The following SCN10A variants were observed in gnomAD, a reference collection of about 807,000 sequenced individuals.
SCN10A encodes sodium voltage-gated channel alpha subunit 10, also known as sodium channel protein type 10 subunit alpha.
SCN10A carries 162 observed loss-of-function variants against 170.7 expected under a neutral mutation model. The observed-to-expected ratio is 0.95, with a 90% CI of 0.84 to 1.08. The LOEUF is 1.08. SCN10A is among the 50% of genes least tolerant of loss of function. SCN10A has a pLI of 0.00. For synonymous variants in SCN10A, 985 were observed against 904.6 expected (o/e 1.09, Z -1.59); for missense variants, 2,527 against 2,436.9 (o/e 1.04, Z -0.78).
chr3:38,709,213 C>T (rs1210860231), intron 25 of SCN10A, among the ~76,000 whole-genome samples: 1 of 152,160 alleles, frequency 6.6e-6, no homozygotes, highest in East Asian at 1.9e-4. Context: ...ACTTGGAACA[C>T]ATCTAACACA....
intron 21 of SCN10A, among the ~76,000 whole-genome samples, chr3:38,715,973 A>G (rs1386510633): frequency 1.3e-5 from 2 of 152,196 alleles, no homozygotes; most frequent in African/African-American, 4.8e-5. Flanking sequence ...AGAAAGAAGT[A>G]CAGCTGGATG....
At chr3:38,772,373 G>A (rs1206383050) in intron 4 of SCN10A, among the ~76,000 whole-genome samples, 4 of 151,616 alleles carry the variant, frequency 2.6e-5, no homozygotes, top group Non-Finnish European at 4.4e-5. Context: ...ACAATAAAGA[G>A]GGCAGAAGAA....
intron 4 of SCN10A, among the ~76,000 whole-genome samples, chr3:38,788,216 C>CAAAAAAAAA (rs561959910): frequency 4.1e-5 from 4 of 97,842 alleles, no homozygotes; most frequent in East Asian, 6.7e-4. Flanking sequence ...TTATGATTAG[C>CAAAAAAAAA]AAAAAAAAAA....
In SCN10A at chr3:38,758,106, A is replaced by G. The variant is rs2063829987; in HGVS notation, c.951-947T>C. ...CTTTTACTCCCAGGATTTCTCCATG[A>G]ACTCCAACCTCTGGGGCTCTCCTTA... On this transcript the variant is annotated intron_variant, in intron 8 of 27. Transcript: ENST00000449082. 2.0e-5 allele frequency among the ~76,000 whole-genome samples: 3 copies of G among 152,098 alleles called. No individual in the cohort carries two copies. The South Asian group carries it at 6.2e-4, about 32-fold the overall frequency.
chr3:38,761,355 A>G lies in SCN10A; in HGVS notation c.720T>C (p.Ile240=), dbSNP rs2063868973. 6.2e-7 allele frequency: 1 copy of G among 1,613,642 alleles called. No homozygotes were observed. Among genetic ancestry groups the G allele is most frequent in the Admixed American group, 1.7e-5 (1 of 59,982 alleles). The change falls in exon 7 of 28, where the codon ATT becomes ATC. Residue 240 remains isoleucine, a synonymous_variant. Coordinates refer to ENST00000449082, the MANE Select transcript of SCN10A (RefSeq NM_006514.4). The part of the protein sequence containing the change: ...PGLKVIVGAL[I]HSVKKLADVT... The stretch of plus-strand genomic sequence containing the variant: ...CATCAGCCAGTTTCTTCACTGAGTG[A>G]ATCAGGGCCCCCACAATGACCTTCA...
At chr3:38,799,407 G>A (rs11710188) in intron 1 of SCN10A, among the ~76,000 whole-genome samples, 5,588 of 152,278 alleles carry the variant, frequency 0.037, 130 homozygotes, top group Middle Eastern at 0.12. Context: ...GTAAACAAGT[G>A]TCCTCTGGGA....
At chr3:38,752,879 A>T (rs1056447040) in intron 11 of SCN10A, among the ~76,000 whole-genome samples, 11 of 152,212 alleles carry the variant, frequency 7.2e-5, no homozygotes, top group Non-Finnish European at 1.5e-5. Context: ...ACTTTTCCAC[A>T]TGCAAAGTTG....
intron 15 of SCN10A, among the ~76,000 whole-genome samples, chr3:38,733,429 A>T (rs1344228087): frequency 6.6e-6 from 1 of 152,218 alleles, no homozygotes; most frequent in African/African-American, 2.4e-5. Context: ...ATTGATTAAT[A>T]AAAATTTTTA....
chr3:38,771,298 A>G lies in SCN10A; in HGVS notation c.580T>C (p.Phe194Leu), dbSNP rs2063996878. ...ACTCACGCCAGGGTAATGACGCTAA[A>G]ATCCAGCCAGTTCCAAGGATCTCTC... is the stretch of plus-strand genomic sequence containing the variant. Reference protein sequence around the residue: ...YLRDPWNWLDFSVITLAYVGT... With the variant: ...YLRDPWNWLDLSVITLAYVGT... Residue 194 changes from phenylalanine (F) to leucine (L), a missense_variant, in exon 5 of 28, where the codon TTT becomes CTT. Transcript: ENST00000449082. 1 of 1,614,108 alleles carries G rather than the reference A, an allele frequency of 6.2e-7. No homozygotes were observed. The highest frequency in any genetic ancestry group is 8.5e-7 in the Non-Finnish European group (1 of 1,179,982).
At chr3:38,753,695 A>C (rs1238698045) in intron 11 of SCN10A, among the ~76,000 whole-genome samples, 1 of 152,246 alleles carries the variant, frequency 6.6e-6, no homozygotes, top group African/African-American at 2.4e-5. Flanking sequence ...AAGGAAGGGA[A>C]TACTACATTA....
At chr3:38,745,682 C>T (rs909268019) in intron 13 of SCN10A, among the ~76,000 whole-genome samples, 2 of 152,094 alleles carry the variant, frequency 1.3e-5, no homozygotes, top group African/African-American at 4.8e-5. Flanking sequence ...CATTAATCCT[C>T]TTTTGCTTAG....
chr3:38,714,057 C>T lies in SCN10A; in HGVS notation c.3705G>A (p.Ala1235=), dbSNP rs147376215. The change falls in exon 22 of 28, where the codon GCG becomes GCA. Residue 1235 remains alanine (A), a synonymous_variant. Coordinates refer to ENST00000449082, the MANE Select transcript of SCN10A (RefSeq NM_006514.4). ...CCACTTCAGAATATTCCAGAATCTT[C>T]GCTGTGAGACTTATCAGTGAGATCT... ...IVNISLISLT[A]KILEYSEVAP... is the part of the protein sequence containing the mutation. 214 of 1,614,062 alleles carry T rather than the reference C, an allele frequency of 1.3e-4. No homozygotes were observed. The highest frequency in any genetic ancestry group is 1.7e-4 in the Non-Finnish European group (197 of 1,180,042).
chr3:38,729,568 T>C (rs2063494699), intron 15 of SCN10A, among the ~76,000 whole-genome samples: 2 of 152,226 alleles, frequency 1.3e-5, no homozygotes, highest in South Asian at 2.1e-4. Context: ...CTTGCTCTCA[T>C]GGAACCAATG....
At chr3:38,755,033 T>C (rs1192112408) in intron 11 of SCN10A, among the ~76,000 whole-genome samples, 1 of 151,698 alleles carries the variant, frequency 6.6e-6, no homozygotes, top group Non-Finnish European at 1.5e-5. Context: ...AGTGCAAATT[T>C]TAGAGTGGGA....
At chr3:38,786,098 C>A (rs1290056458) in intron 4 of SCN10A, among the ~76,000 whole-genome samples, 1 of 152,046 alleles carries the variant, frequency 6.6e-6, no homozygotes, top group East Asian at 1.9e-4. Flanking sequence ...GAACCAGAAA[C>A]ACCATTTGAC....
chr3:38,711,042 G>T, intron 23 of SCN10A, 145 bp from the exon 24 acceptor site: 1 of 653,166 alleles, frequency 1.5e-6, no homozygotes, highest in Non-Finnish European at 2.7e-6. Context: ...AAGTTCCCTT[G>T]GGTTACTTGA....
chr3:38,786,400 T>C (rs771744938), intron 4 of SCN10A, among the ~76,000 whole-genome samples: 2 of 152,096 alleles, frequency 1.3e-5, no homozygotes, highest in Non-Finnish European at 2.9e-5. Context: ...ACACCGCATG[T>C]TCTCACTCAT....
intron 2 of SCN10A, among the ~76,000 whole-genome samples, chr3:38,793,360 T>A (rs973027085): frequency 6.6e-6 from 1 of 152,100 alleles, no homozygotes. Flanking sequence ...CTGGCTTAAA[T>A]TCATCCTGCT....
chr3:38,707,974 T>G (rs1473388476), intron 25 of SCN10A, among the ~76,000 whole-genome samples: 1 of 152,178 alleles, frequency 6.6e-6, no homozygotes, highest in Non-Finnish European at 1.5e-5. Context: ...GAAGATGTTT[T>G]CCTCCCTTAG....
Sources: gnomAD v4.1 joint callset for allele counts (sites outside exome capture counted in the v4.1 genomes callset) on GRCh38, gnomAD v4.1.1 for gene constraint, MANE v1.5 for transcripts, NCBI Gene and HGNC (gene_info 2026-07-23, HGNC 2026-07-21) for gene names.